The following PHF20 variants were observed in gnomAD, a reference collection of about 807,000 sequenced individuals.
The protein encoded by PHF20 is PHD finger protein 20.
A neutral mutation model predicts 113.5 loss-of-function variants in PHF20; 23 were observed. That is an observed-to-expected ratio of 0.20 (90% CI 0.15 to 0.29). The LOEUF (loss-of-function observed/expected upper bound fraction) is 0.29. Among genes scored for constraint, PHF20 ranks in the 10% least tolerant of loss-of-function variants. The pLI is 1.00. For synonymous variants in PHF20, 434 were observed against 457.3 expected (o/e 0.95, Z 0.65); for missense variants, 943 against 1,219.6 (o/e 0.77, Z 3.38).
At position 35,842,681 on chromosome 20, in the gene PHF20, T is replaced by C. The variant is rs530273011; in HGVS notation, c.192T>C (p.Tyr64=). 75 of 1,614,018 alleles carry C rather than the reference T, an allele frequency of 4.6e-5. 1 individual carries two copies. In the South Asian group the frequency reaches 7.0e-4, roughly 15 times the overall value. The change falls in exon 3 of 18, where the codon TAT becomes TAC. Residue 64 remains tyrosine (Y), a synonymous_variant. Transcript: ENST00000374012. ...YDEWFCWDSP[Y]LRPLEKIQLR... ...AGTGGTTCTGCTGGGACAGTCCTTA[T>C]TTACGCCCTTTAGAGAAAATACAGC... is the stretch of plus-strand genomic sequence containing the variant.
At chr20:35,898,167 A>T (rs1290561486) in intron 9 of PHF20, among the ~76,000 whole-genome samples, 1 of 152,138 alleles carries the variant, frequency 6.6e-6, no homozygotes, top group Non-Finnish European at 1.5e-5. Flanking sequence ...GAGCCACTGC[A>T]CCCACCAAAT....
chr20:35,844,748 A>G (rs2425163), intron 3 of PHF20, among the ~76,000 whole-genome samples: 39,161 of 151,948 alleles, frequency 0.26, 5,857 homozygotes, highest in African/African-American at 0.42. Flanking sequence ...AAATTTTATC[A>G]TATTAAAACA....
rs146209461 is a variant in PHF20, at chr20:35,863,846, A to G, written c.808+446A>G. 2.6e-5 allele frequency among the ~76,000 whole-genome samples: 4 copies of G among 152,302 alleles called. No individual in the cohort carries two copies. In the East Asian group the frequency reaches 7.7e-4, roughly 29 times the overall value. On this transcript the variant is annotated intron_variant, in intron 6 of 17. Coordinates refer to ENST00000374012, the MANE Select transcript of PHF20 (RefSeq NM_016436.5). ...GACAAAGGAACATTGAAACTAGAAA[A>G]GCATGGGTGCATTTTGAAATTGAGC...
Position 35,949,222 on chromosome 20 carries a change from C to T in PHF20, c.*1595C>T, listed in dbSNP as rs1187053872. On this transcript the variant is annotated 3_prime_UTR_variant, in exon 18 of 18. Coordinates refer to ENST00000374012, the MANE Select transcript of PHF20 (RefSeq NM_016436.5). ...ACAAGAGGCTGTTTCTCACTGCTAA[C>T]GTTGGTGTTTCTGGCGTGGGAAGAA... 1 of 152,442 alleles carries T rather than the reference C, an allele frequency of 6.6e-6. No individual in the cohort carries two copies. Among genetic ancestry groups the T allele is most frequent in the East Asian group, 1.9e-4 (1 of 5,202 alleles). 9.4% of individuals were successfully genotyped at this position (152,442 alleles called of 1,614,324 possible).
chr20:35,865,469 T>TA (rs2054298827), intron 6 of PHF20, among the ~76,000 whole-genome samples: 1 of 150,320 alleles, frequency 6.7e-6, no homozygotes, highest in Non-Finnish European at 1.5e-5. Flanking sequence ...TTAAATAAAA[T>TA]AGTATTTAAA....
At chr20:35,898,696 C>T (rs372790180) in intron 9 of PHF20, among the ~76,000 whole-genome samples, 13 of 152,124 alleles carry the variant, frequency 8.5e-5, no homozygotes, top group East Asian at 3.9e-4. Flanking sequence ...CTGCAACCTC[C>T]GCCTCCCGGG....
intron 9 of PHF20, among the ~76,000 whole-genome samples, chr20:35,892,036 ATTTTTTTTGT>A (rs1040982297): frequency 8.1e-5 from 12 of 148,664 alleles, no homozygotes; most frequent in South Asian, 4.2e-4. Flanking sequence ...CCCCCAGCTA[ATTTTTTTTGT>A]TTTTTTTTGT....
chr20:35,842,327 G>A (rs930098750), intron 2 of PHF20, among the ~76,000 whole-genome samples: 3 of 152,044 alleles, frequency 2.0e-5, no homozygotes, highest in African/African-American at 7.2e-5. Context: ...GTGACAGAGC[G>A]AGACTCTGTC....
At chr20:35,874,569 G>A (rs2054483687) in intron 9 of PHF20, among the ~76,000 whole-genome samples, 2 of 151,742 alleles carry the variant, frequency 1.3e-5, no homozygotes, top group African/African-American at 4.8e-5. Context: ...GAGCAGCCTG[G>A]ACCTCCTGGG....
Position 35,847,388 on chromosome 20 carries a change from T to A in PHF20, c.294T>A (p.Ser98=). ...ATGAGCAGGTCCTTGCTTGCTGGTC[T>A]GATTGTCGTTTTTACCCGGCCAAAG... is the stretch of plus-strand genomic sequence containing the variant. ...QINEQVLACW[S]DCRFYPAKVT... Residue 98 remains serine (S), a synonymous_variant, in exon 4 of 18, where the codon TCT becomes TCA. Transcript: ENST00000374012. The A allele has an allele frequency of 6.2e-7, 1 of 1,612,998 alleles. No homozygotes were observed. Among genetic ancestry groups the A allele is most frequent in the Non-Finnish European group, 8.5e-7 (1 of 1,179,252 alleles).
chr20:35,877,913 G>A (rs2054561097), intron 9 of PHF20, among the ~76,000 whole-genome samples: 1 of 152,162 alleles, frequency 6.6e-6, no homozygotes, highest in Non-Finnish European at 1.5e-5. Context: ...CGAATGAATT[G>A]TCACTGAAGT....
intron 2 of PHF20, among the ~76,000 whole-genome samples, chr20:35,814,851 C>T (rs796618214): frequency 0.05 from 6,428 of 127,508 alleles, 197 homozygotes; most frequent in African/African-American, 0.095. Context: ...CCAGCCTGGG[C>T]GACAGAGCGA....
chr20:35,905,007 TAG>T (rs1320471984), intron 10 of PHF20, among the ~76,000 whole-genome samples: 1 of 151,962 alleles, frequency 6.6e-6, no homozygotes, highest in Non-Finnish European at 1.5e-5. Context: ...GTATTTTTAG[TAG>T]AGACTGGGCT....
At chr20:35,912,738 A>G (rs1011625166) in intron 10 of PHF20, among the ~76,000 whole-genome samples, 2 of 152,176 alleles carry the variant, frequency 1.3e-5, no homozygotes, top group Admixed American at 6.5e-5. Context: ...AGGCTGAGGC[A>G]GGAGAATCGC....
In PHF20 at chr20:35,783,933, C is replaced by T. The variant is rs187871543; in HGVS notation, c.-33+11854C>T. On this transcript the variant is annotated intron_variant, in intron 1 of 17. Transcript: ENST00000374012. ...CCAGGAGGCGGAGGTTGTGGTGAGC[C>T]GAGATCGTGCCATTGCACTCTAGCC... 2.1e-3 allele frequency among the ~76,000 whole-genome samples: 320 copies of T among 150,860 alleles called. 1 individual carries two copies. The highest frequency in any genetic ancestry group is 7.5e-3 in the African/African-American group (308 of 41,212).
chr20:35,874,086 C>T (rs1372308705), intron 9 of PHF20, among the ~76,000 whole-genome samples: 1 of 152,208 alleles, frequency 6.6e-6, no homozygotes, highest in East Asian at 1.9e-4. Flanking sequence ...ATTCTCCTGC[C>T]TCAGCCTCCC....
At chr20:35,877,020 T>C (rs996852233) in intron 9 of PHF20, among the ~76,000 whole-genome samples, 39 of 143,760 alleles carry the variant, frequency 2.7e-4, no homozygotes, top group African/African-American at 1.0e-3. Flanking sequence ...GGCAGGAGAA[T>C]GGCGTAAACC....
At chr20:35,804,183 A>G (rs958369260) in intron 2 of PHF20, among the ~76,000 whole-genome samples, 1 of 148,330 alleles carries the variant, frequency 6.7e-6, no homozygotes, top group African/African-American at 2.5e-5. Flanking sequence ...CAAGCAGTTC[A>G]GCCTCAGCTG....
rs140497520 is a variant in PHF20, at chr20:35,858,715, C to T, written c.420+334C>T. ...CCTCCTGAGTTGCTGGGATTATAGG[C>T]GCACGCCACCATGCCTGGCTAATTT... On this transcript the variant is annotated intron_variant, in intron 5 of 17. Transcript: ENST00000374012. 9.2e-5 allele frequency among the ~76,000 whole-genome samples: 14 copies of T among 152,254 alleles called. No homozygotes were observed. The East Asian group carries it at 2.1e-3, about 23-fold the overall frequency.
Sources: gnomAD v4.1 joint callset for allele counts (sites outside exome capture counted in the v4.1 genomes callset) on GRCh38, gnomAD v4.1.1 for gene constraint, MANE v1.5 for transcripts, NCBI Gene and HGNC (gene_info 2026-07-23, HGNC 2026-07-21) for gene names.